RNF149: variants seen among roughly 807,000 people sequenced by gnomAD.
RNF149 encodes ring finger protein 149.
Under a neutral mutation model 39.0 loss-of-function variants are expected in RNF149, and 21 were observed. The observed-to-expected ratio is 0.54, with a 90% CI of 0.38 to 0.77. RNF149 has a LOEUF of 0.77. Ranked by LOEUF, RNF149 falls within the 30% of genes least tolerant of loss-of-function variation. RNF149 has a pLI of 0.00. For synonymous variants in RNF149, 209 were observed against 213.6 expected, an observed-to-expected ratio of 0.98 and a Z score of 0.19; for missense variants, 493 against 534.9, an observed-to-expected ratio of 0.92 and a Z score of 0.77.
rs560942196 is a variant in RNF149 at position 101,294,051 on chromosome 2, C to T, written c.743G>A (p.Gly248Asp). 8 of 1,586,960 alleles carry T rather than the reference C, an allele frequency of 5.0e-6. No individual in the cohort carries two copies. In the Admixed American group the frequency reaches 1.3e-4, roughly 27 times the overall value. Residue 248 changes from glycine (G) to aspartate (D), a missense_variant, in exon 3 of 7, where the codon GGC (glycine) becomes GAC (aspartate). Transcript: ENST00000295317. Reference sequence around the variant, plus strand: ...CTTTACAGTATGAAGTAGAAGCTGGCCAATAACTTTCTTAGTTTCTTTTCT... The same window carrying T: ...CTTTACAGTATGAAGTAGAAGCTGGTCAATAACTTTCTTAGTTTCTTTTCT... ...SHRKETKKVIGQLLLHTVKHG... is the reference protein window; with the variant it reads ...SHRKETKKVIDQLLLHTVKHG...
intron 1 of RNF149, 33 bp from the exon 2 acceptor site, chr2:101,295,214 A>AC: frequency 6.4e-7 from 1 of 1,573,310 alleles, no homozygotes; most frequent in Non-Finnish European, 8.7e-7. Context: ...CAATGTGAAG[A>AC]ACACAAAATA....
At chr2:101,298,630 G>A (rs1485846002) in intron 1 of RNF149, among the ~76,000 whole-genome samples, 2 of 152,020 alleles carry the variant, frequency 1.3e-5, no homozygotes, top group African/African-American at 4.8e-5. Flanking sequence ...TGTGTGGACA[G>A]CATGCAGTCC....
At position 101,279,427 on chromosome 2, in the gene RNF149, C is replaced by G. The variant is rs920474062; in HGVS notation, c.1160-2146G>C. On this transcript the variant is annotated intron_variant, in intron 6 of 6. Transcript: ENST00000295317. ...AATGCAGAAAAATCTGGAGGCTGCTCTTGAAAGACATTTAGTCAGAATAAG... is the reference window on the plus strand; with the variant it reads ...AATGCAGAAAAATCTGGAGGCTGCTGTTGAAAGACATTTAGTCAGAATAAG... Among the ~76,000 whole-genome samples, 3 of 152,176 alleles carry G rather than the reference C, an allele frequency of 2.0e-5. No homozygotes were observed. In the East Asian group the frequency reaches 5.8e-4, roughly 29 times the overall value.
rs1346396397 is a variant in RNF149 at position 101,295,585 on chromosome 2, T to C, written c.461-404A>G. Among the ~76,000 whole-genome samples the C allele has an allele frequency of 2.0e-5, 3 of 147,458 alleles. No individual in the cohort carries two copies. In the East Asian group the frequency reaches 6.0e-4, roughly 30 times the overall value. On this transcript the variant is annotated intron_variant, in intron 1 of 6. Transcript: ENST00000295317. ...CTGCAGCAGGAGAATCACATGAACC[T>C]GGGAAGCGGAGGTTGCAGTGAGCTG...
rs750865908 is a variant in RNF149, at chr2:101,286,130, C to T, written c.911G>A (p.Arg304Gln). Residue 304 changes from arginine (R) to glutamine (Q), a missense_variant, in exon 5 of 7, where the codon CGA (arginine) becomes CAA (glutamine). Transcript: ENST00000295317. ...ICIDPWLLDH[R>Q]TCPMCKLDVI... ...ATCAAGTTTACACATTGGACATGTT[C>T]GGTGATCCAAAAGCCATGGGTCAAT... The T allele has an allele frequency of 6.2e-6, 10 of 1,612,124 alleles. No homozygotes were observed. The East Asian group carries it at 6.7e-5, about 11-fold the overall frequency.
intron 5 of RNF149, among the ~76,000 whole-genome samples, chr2:101,283,027 T>G (rs1682650830): frequency 6.6e-6 from 1 of 152,142 alleles, no homozygotes; most frequent in Non-Finnish European, 1.5e-5. Flanking sequence ...TCTGCCAACT[T>G]AACTACCTGC....
chr2:101,303,666 G>A (rs1683545608), intron 1 of RNF149, among the ~76,000 whole-genome samples: 1 of 150,492 alleles, frequency 6.6e-6, no homozygotes, highest in South Asian at 2.1e-4. Flanking sequence ...AACCTCCCCT[G>A]GAGAGTTCAG....
downstream of RNF149, among the ~76,000 whole-genome samples, chr2:101,275,567 A>C (rs1287929609): frequency 2.3e-5 from 3 of 132,010 alleles, no homozygotes; most frequent in Non-Finnish European, 4.7e-5. Flanking sequence ...TCAGCCTCCC[A>C]AGTAGCTGGG....
Position 101,276,153 on chromosome 2 carries a change from G to A in RNF149, c.*1085C>T. On this transcript the variant is annotated 3_prime_UTR_variant, in exon 7 of 7. Transcript: ENST00000295317. Reference sequence around the variant, plus strand: ...GATATACAGAATAACTAGGAGCAAGGAAAGACTATAATTCCACACTCTAAA... The same window carrying A: ...GATATACAGAATAACTAGGAGCAAGAAAAGACTATAATTCCACACTCTAAA... 1.0e-6 allele frequency: 1 copy of A among 974,414 alleles called. No individual in the cohort carries two copies. Among genetic ancestry groups the A allele is most frequent in the Non-Finnish European group, 1.2e-6 (1 of 820,052 alleles). 60.4% of individuals were successfully genotyped at this position (974,414 alleles called of 1,614,324 possible).
chr2:101,282,969 A>G (rs6715956), intron 5 of RNF149, among the ~76,000 whole-genome samples: 38,003 of 131,806 alleles, frequency 0.29, 4,853 homozygotes, highest in Middle Eastern at 0.41. Flanking sequence ...GTGACATCAC[A>G]ATACCCAAAC....
chr2:101,291,455 T>C (rs1368852472), intron 3 of RNF149, among the ~76,000 whole-genome samples: 1 of 151,832 alleles, frequency 6.6e-6, no homozygotes, highest in Admixed American at 6.6e-5. Context: ...AGCCTATTTT[T>C]TTTTTTTTTA....
At position 101,281,868 on chromosome 2, in the gene RNF149, C is replaced by A. The variant is rs1057220757; in HGVS notation, c.1150G>T (p.Ala384Ser). The change falls in exon 6 of 7, where the codon GCA becomes TCA. Residue 384 changes from alanine to serine, a missense_variant. Ala to Ser is a moderately conservative substitution (Grantham distance 99, BLOSUM62 1). Transcript: ENST00000295317. ...SFKGDAGENT[A>S]LLEAGRSDSR... ...TTTGCACACCGCTCACCTAGCAATG[C>A]CGTATTTTCTCCTGCATCTCCTTTA... The A allele has an allele frequency of 6.2e-7, 1 of 1,613,910 alleles. No individual in the cohort carries two copies. Among genetic ancestry groups the A allele is most frequent in the South Asian group, 1.1e-5 (1 of 91,078 alleles).
At chr2:101,291,440 C>T (rs1200128051) in intron 3 of RNF149, among the ~76,000 whole-genome samples, 4 of 151,204 alleles carry the variant, frequency 2.6e-5, no homozygotes, top group South Asian at 2.1e-4. Context: ...TGACCCACCA[C>T]GCCCAGCCTA....
At chr2:101,306,959 C>T (rs1683685706) in intron 1 of RNF149, among the ~76,000 whole-genome samples, 1 of 152,128 alleles carries the variant, frequency 6.6e-6, no homozygotes, top group African/African-American at 2.4e-5. Context: ...CAAAACTAAC[C>T]ACATTAAGCT....
intron 3 of RNF149, 89 bp from the exon 4 acceptor site, chr2:101,289,144 G>A (rs915922888): frequency 2.7e-6 from 2 of 738,344 alleles, no homozygotes; most frequent in African/African-American, 3.6e-5. Context: ...AAACAATGAC[G>A]AATTCCCTTC....
chr2:101,294,288 A>G, intron 2 of RNF149: 1 of 439,952 alleles, frequency 2.3e-6, no homozygotes, highest in Non-Finnish European at 4.1e-6. Flanking sequence ...CCTAACAACA[A>G]AAGCCATTCA....
At chr2:101,298,564 TAGC>T (rs1309341215) in intron 1 of RNF149, among the ~76,000 whole-genome samples, 1 of 152,160 alleles carries the variant, frequency 6.6e-6, no homozygotes. Flanking sequence ...AAGGCTGAAG[TAGC>T]AGCTCTGTAA....
intron 4 of RNF149, among the ~76,000 whole-genome samples, chr2:101,287,688 A>G (rs1334391691): frequency 3.3e-5 from 5 of 152,234 alleles, no homozygotes; most frequent in Non-Finnish European, 5.9e-5. Flanking sequence ...TTCAGTACCC[A>G]TCATACCAAT....
downstream of RNF149, among the ~76,000 whole-genome samples, chr2:101,274,334 G>A (rs563561354): frequency 6.6e-6 from 1 of 152,202 alleles, no homozygotes; most frequent in South Asian, 2.1e-4. Flanking sequence ...TCAGGATGAA[G>A]TTCTTGTCAT....
Sources: gnomAD v4.1 joint callset for allele counts (sites outside exome capture counted in the v4.1 genomes callset) on GRCh38, gnomAD v4.1.1 for gene constraint, MANE v1.5 for transcripts, NCBI Gene and HGNC (gene_info 2026-07-23, HGNC 2026-07-21) for gene names.